The following CREB5 variants were observed in gnomAD, a reference collection of about 807,000 sequenced individuals.
CREB5 encodes cAMP responsive element binding protein 5.
Under a neutral mutation model 57.1 loss-of-function variants are expected in CREB5, and 19 were observed. The observed-to-expected ratio is 0.33, with a 90% CI of 0.23 to 0.49. The LOEUF (loss-of-function observed/expected upper bound fraction) is 0.49, where lower values mean the gene tolerates loss of function less well. Among genes scored for constraint, CREB5 ranks in the 20% least tolerant of loss-of-function variants. The pLI, the probability that CREB5 is intolerant of heterozygous loss-of-function variation, is 0.99. For missense variants in CREB5, 579 were observed against 671.6 expected (o/e 0.86, Z 1.52); for synonymous variants, 238 against 238.3 (o/e 1.00, Z 0.01).
intron 7 of CREB5, among the ~76,000 whole-genome samples, chr7:28,792,471 C>T (rs773811018): frequency 5.3e-5 from 8 of 152,128 alleles, no homozygotes; most frequent in Admixed American, 2.0e-4. Flanking sequence ...GATTTGGATG[C>T]GTATCAGCTC....
intron 5 of CREB5, among the ~76,000 whole-genome samples, chr7:28,591,785 G>C (rs1796530286): frequency 6.6e-6 from 1 of 152,106 alleles, no homozygotes; most frequent in South Asian, 2.1e-4. Flanking sequence ...TGCCAAATCT[G>C]ACTATATGCA....
At chr7:28,560,919 T>TGTGCGTGTGCGTGCGCGCGCGCGCGTGC in intron 4 of CREB5, among the ~76,000 whole-genome samples, 2 of 42,996 alleles carry the variant, frequency 4.7e-5, no homozygotes, top group South Asian at 9.6e-4. Flanking sequence ...CGTGTGCGTG[T>TGTGCGTGTGCGTGCGCGCGCGCGCGTGC]GTGCGCGTGC....
At chr7:28,519,776 A>G (rs1793129810) in intron 4 of CREB5, among the ~76,000 whole-genome samples, 1 of 152,234 alleles carries the variant, frequency 6.6e-6, no homozygotes, top group Non-Finnish European at 1.5e-5. Flanking sequence ...ATCTGTTAAT[A>G]ACACTGACGG....
chr7:28,381,135 C>T (rs993566476), intron 1 of CREB5, among the ~76,000 whole-genome samples: 4 of 152,244 alleles, frequency 2.6e-5, no homozygotes, highest in African/African-American at 4.8e-5. Flanking sequence ...AACTCATCCT[C>T]GCTTATTGGT....
At chr7:28,650,816 A>T (rs971657072) in intron 5 of CREB5, among the ~76,000 whole-genome samples, 5 of 152,142 alleles carry the variant, frequency 3.3e-5, no homozygotes, top group African/African-American at 7.2e-5. Context: ...ATCTTTTTTT[A>T]AAAAAAGAGA....
chr7:28,348,408 T>TCTCACACACACA (rs1376338798), intron 1 of CREB5, among the ~76,000 whole-genome samples: 81 of 118,238 alleles, frequency 6.9e-4, no homozygotes, highest in African/African-American at 2.4e-3. Flanking sequence ...TCTCTCTCTC[T>TCTCACACACACA]CACACACACA....
At chr7:28,479,197 T>C (rs1399283594) in intron 1 of CREB5, among the ~76,000 whole-genome samples, 5 of 152,302 alleles carry the variant, frequency 3.3e-5, no homozygotes, top group Middle Eastern at 3.4e-3. Flanking sequence ...TGGGTACTTA[T>C]ACTCTAATTA....
At chr7:28,768,624 G>C (rs1448443401) in intron 7 of CREB5, among the ~76,000 whole-genome samples, 1 of 152,316 alleles carries the variant, frequency 6.6e-6, no homozygotes, top group East Asian at 1.9e-4. Context: ...TACTGTGTGT[G>C]TGTGTTTGAG....
At chr7:28,672,686 C>T (rs1437234166) in intron 5 of CREB5, among the ~76,000 whole-genome samples, 1 of 152,082 alleles carries the variant, frequency 6.6e-6, no homozygotes. Context: ...TGGATGAGAC[C>T]TCCCCTACAA....
chr7:28,685,282 G>T (rs1800813707), intron 5 of CREB5, among the ~76,000 whole-genome samples: 1 of 152,166 alleles, frequency 6.6e-6, no homozygotes, highest in East Asian at 1.9e-4. Flanking sequence ...TGTGGCTGGG[G>T]TCTTTTTCCT....
intron 7 of CREB5, among the ~76,000 whole-genome samples, chr7:28,783,911 G>A (rs1459666311): frequency 1.3e-5 from 2 of 152,172 alleles, no homozygotes; most frequent in African/African-American, 2.4e-5. Context: ...GGGCAATGCT[G>A]GCCTGGACAG....
At chr7:28,373,924 T>TAC (rs1491074295) in intron 1 of CREB5, among the ~76,000 whole-genome samples, 3 of 151,062 alleles carry the variant, frequency 2.0e-5, no homozygotes, top group Non-Finnish European at 4.4e-5. Context: ...TATATATATA[T>TAC]GTATAACTTT....
chr7:28,749,090 T>C (rs535678806), intron 7 of CREB5, among the ~76,000 whole-genome samples: 1 of 152,318 alleles, frequency 6.6e-6, no homozygotes, highest in South Asian at 2.1e-4. Flanking sequence ...AAGCCTGACC[T>C]CCTAAGGTGT....
At chr7:28,487,920 C>T (rs754809218) in intron 1 of CREB5, among the ~76,000 whole-genome samples, 57 of 152,172 alleles carry the variant, frequency 3.7e-4, no homozygotes, top group Non-Finnish European at 6.2e-4. Context: ...GCTGCTACCT[C>T]CCCATAGCAG....
intron 1 of CREB5, among the ~76,000 whole-genome samples, chr7:28,337,826 G>A (rs1345641108): frequency 1.3e-5 from 2 of 151,960 alleles, no homozygotes; most frequent in South Asian, 2.1e-4. Context: ...TTTCACTGGT[G>A]ATATGTTTCC....
chr7:28,727,490 C>A (rs1803390586), intron 7 of CREB5, among the ~76,000 whole-genome samples: 1 of 152,114 alleles, frequency 6.6e-6, no homozygotes, highest in African/African-American at 2.4e-5. Context: ...TGCAAACCAT[C>A]CCGGGACACA....
At chr7:28,342,758 T>C (rs1373555814) in intron 1 of CREB5, among the ~76,000 whole-genome samples, 2 of 152,204 alleles carry the variant, frequency 1.3e-5, no homozygotes. Context: ...CAATTTCAGT[T>C]GTCACTTTTT....
At chr7:28,787,011 C>G (rs1442258233) in intron 7 of CREB5, among the ~76,000 whole-genome samples, 1 of 152,102 alleles carries the variant, frequency 6.6e-6, no homozygotes, top group African/African-American at 2.4e-5. Flanking sequence ...GAGAAGTTCC[C>G]CAGCTGCCAT....
At chr7:28,578,933 T>C (rs1169363322) in intron 5 of CREB5, among the ~76,000 whole-genome samples, 3 of 152,208 alleles carry the variant, frequency 2.0e-5, no homozygotes, top group African/African-American at 7.2e-5. Flanking sequence ...TCCAATTTGA[T>C]CTCAAATTTT....
Sources: allele counts gnomAD v4.1 joint callset (sites outside exome capture counted in the v4.1 genomes callset), GRCh38; gene constraint gnomAD v4.1.1; transcripts MANE v1.5; gene names NCBI Gene and HGNC (gene_info 2026-07-23, HGNC 2026-07-21).